The following SPOCK1 variants were observed in gnomAD, a reference collection of about 807,000 sequenced individuals.
SPOCK1 encodes the protein SPARC (osteonectin), cwcv and kazal like domains proteoglycan 1.
Under a neutral mutation model 55.3 loss-of-function variants are expected in SPOCK1, and 23 were observed. The ratio of observed to expected loss-of-function variants is 0.42; its 90% CI spans 0.30 to 0.59. The LOEUF is 0.59. Among genes scored for constraint, SPOCK1 ranks in the 20% least tolerant of loss-of-function variants. The pLI is 0.22. For missense variants in SPOCK1, 499 were observed against 552.5 expected (o/e 0.90, Z 0.97); for synonymous variants, 226 against 221.0 (o/e 1.02, Z -0.20).
chr5:137,158,017 G>T (rs1004764604), intron 3 of SPOCK1, among the ~76,000 whole-genome samples: 1 of 152,178 alleles, frequency 6.6e-6, no homozygotes, highest in Non-Finnish European at 1.5e-5. Flanking sequence ...AGCAGAGATT[G>T]TGCCATTGCA....
At chr5:137,163,597 C>A (rs1027388479) in intron 3 of SPOCK1, among the ~76,000 whole-genome samples, 1 of 152,160 alleles carries the variant, frequency 6.6e-6, no homozygotes, top group South Asian at 2.1e-4. Context: ...TCATAATAAT[C>A]TTTTGAAGTA....
intron 2 of SPOCK1, among the ~76,000 whole-genome samples, chr5:137,280,124 G>C (rs555989005): frequency 7.5e-4 from 114 of 152,276 alleles, no homozygotes; most frequent in Non-Finnish European, 1.5e-3. Context: ...CAGGGGACTA[G>C]AGAAGCGGAA....
intron 2 of SPOCK1, among the ~76,000 whole-genome samples, chr5:137,471,460 A>C (rs762690417): frequency 9.9e-5 from 15 of 152,152 alleles, no homozygotes; most frequent in Non-Finnish European, 1.5e-4. Context: ...GGTTAAATGG[A>C]ATACAAGTAA....
intron 2 of SPOCK1, among the ~76,000 whole-genome samples, chr5:137,496,178 C>G (rs1238359983): frequency 6.6e-6 from 1 of 152,122 alleles, no homozygotes; most frequent in East Asian, 1.9e-4. Context: ...TCCCTGCACT[C>G]ACCCCAGAAA....
At chr5:137,132,751 A>G (rs1753908665) in intron 4 of SPOCK1, among the ~76,000 whole-genome samples, 1 of 152,226 alleles carries the variant, frequency 6.6e-6, no homozygotes, top group Non-Finnish European at 1.5e-5. Flanking sequence ...TTTGGGGTCA[A>G]TGGAAAATAT....
intron 3 of SPOCK1, among the ~76,000 whole-genome samples, chr5:137,248,475 C>T (rs1756442808): frequency 6.6e-6 from 1 of 152,222 alleles, no homozygotes; most frequent in African/African-American, 2.4e-5. Flanking sequence ...AAGGCAGAAG[C>T]AACAGCTACT....
At chr5:137,422,510 C>T (rs115493769) in intron 2 of SPOCK1, among the ~76,000 whole-genome samples, 1 of 152,200 alleles carries the variant, frequency 6.6e-6, no homozygotes, top group Non-Finnish European at 1.5e-5. Context: ...CTCTAAACTT[C>T]TCTTATCGCA....
chr5:136,996,501 T>G (rs1751041924), intron 6 of SPOCK1, among the ~76,000 whole-genome samples: 1 of 152,130 alleles, frequency 6.6e-6, no homozygotes, highest in African/African-American at 2.4e-5. Context: ...AATTCTCCCA[T>G]TTTCAATTAC....
chr5:137,043,585 T>A (rs1752041785), intron 6 of SPOCK1, among the ~76,000 whole-genome samples: 1 of 152,190 alleles, frequency 6.6e-6, no homozygotes, highest in African/African-American at 2.4e-5. Context: ...TAGATAAGCA[T>A]GTAATTATGA....
chr5:137,327,370 G>A (rs1041501801), intron 2 of SPOCK1, among the ~76,000 whole-genome samples: 1 of 152,088 alleles, frequency 6.6e-6, no homozygotes, highest in Non-Finnish European at 1.5e-5. Flanking sequence ...AAAAATACAG[G>A]TTTATTTTTA....
intron 7 of SPOCK1, 91 bp downstream of exon 7, chr5:136,992,393 G>A (rs1750965687): frequency 1.0e-6 from 1 of 954,916 alleles, no homozygotes; most frequent in Non-Finnish European, 1.6e-6. Flanking sequence ...TATATTTAAT[G>A]TAATGGGTGT....
chr5:136,996,748 C>A (rs1479953206), intron 6 of SPOCK1, among the ~76,000 whole-genome samples: 2 of 152,212 alleles, frequency 1.3e-5, no homozygotes, highest in East Asian at 1.9e-4. Context: ...TACCAATTGG[C>A]AGGATCCTAA....
At chr5:137,014,937 A>T (rs1414574101) in intron 6 of SPOCK1, among the ~76,000 whole-genome samples, 1 of 152,210 alleles carries the variant, frequency 6.6e-6, no homozygotes, top group Non-Finnish European at 1.5e-5. Flanking sequence ...GACAAAGGTC[A>T]AGCCCATTTG....
intron 2 of SPOCK1, among the ~76,000 whole-genome samples, chr5:137,302,211 G>C (rs1297497782): frequency 6.6e-6 from 1 of 152,098 alleles, no homozygotes; most frequent in African/African-American, 2.4e-5. Context: ...TAAATTGTAG[G>C]AGAACATGCA....
chr5:137,369,622 C>A (rs79433055), intron 2 of SPOCK1, among the ~76,000 whole-genome samples: 1 of 152,132 alleles, frequency 6.6e-6, no homozygotes, highest in Non-Finnish European at 1.5e-5. Context: ...GTTTCCGTAA[C>A]AAAATACATT....
At chr5:137,170,518 T>C (rs1267485893) in intron 3 of SPOCK1, among the ~76,000 whole-genome samples, 1 of 152,074 alleles carries the variant, frequency 6.6e-6, no homozygotes. Flanking sequence ...GATGACGTCA[T>C]GAAGTAGAGC....
At chr5:137,476,662 C>T (rs976340019) in intron 2 of SPOCK1, among the ~76,000 whole-genome samples, 5 of 152,260 alleles carry the variant, frequency 3.3e-5, no homozygotes, top group African/African-American at 9.6e-5. Flanking sequence ...CGGTGGCTCA[C>T]GCCTGTAATG....
Position 137,205,343 on chromosome 5 carries a change from G to A in SPOCK1, c.232+61667C>T, listed in dbSNP as rs1865399. Among the ~76,000 whole-genome samples the A allele has an allele frequency of 9.2e-3, 1,396 of 152,324 alleles. 17 individuals are homozygous for A. The highest frequency in any genetic ancestry group is 0.031 in the African/African-American group (1,288 of 41,564). ...TGCACGTCAGTGAAAGGAAGCTGTCGTGCTCTCTAAAGAGCTGTGTGCCCT... is the reference window on the plus strand; with the variant it reads ...TGCACGTCAGTGAAAGGAAGCTGTCATGCTCTCTAAAGAGCTGTGTGCCCT... On this transcript the variant is annotated intron_variant, in intron 3 of 10. Coordinates refer to ENST00000394945, the MANE Select transcript of SPOCK1 (RefSeq NM_004598.4).
intron 5 of SPOCK1, among the ~76,000 whole-genome samples, chr5:137,070,046 G>C (rs191007006): frequency 6.6e-6 from 1 of 152,134 alleles, no homozygotes; most frequent in East Asian, 1.9e-4. Flanking sequence ...TTCCCACCAG[G>C]TCTAGCCACA....
Sources: allele counts gnomAD v4.1 joint callset (sites outside exome capture counted in the v4.1 genomes callset), GRCh38; gene constraint gnomAD v4.1.1; transcripts MANE v1.5; gene names NCBI Gene and HGNC (gene_info 2026-07-23, HGNC 2026-07-21).